The following SLC5A4 variants were observed in gnomAD, a reference collection of about 807,000 sequenced individuals.
SLC5A4 encodes solute carrier family 5 member 4.
SLC5A4 carries 55 observed loss-of-function variants against 70.3 expected under a neutral mutation model. That is an observed-to-expected ratio of 0.78 (90% CI 0.63 to 0.98). SLC5A4 has a LOEUF of 0.98. Among genes scored for constraint, SLC5A4 ranks in the 50% least tolerant of loss-of-function variants. The probability of loss-of-function intolerance (pLI) is 0.00; values close to 1 mark genes in which losing one functional copy is unlikely to be tolerated. For missense variants in SLC5A4, 735 were observed against 839.2 expected, an observed-to-expected ratio of 0.88 and a Z score of 1.53; for synonymous variants, 268 against 305.7, an observed-to-expected ratio of 0.88 and a Z score of 1.29.
At chr22:32,304,266 G>T in the SLC5A4 span, among the ~76,000 whole-genome samples, 2 of 151,764 alleles carry the variant, frequency 1.3e-5, no homozygotes, top group Non-Finnish European at 1.5e-5. Context: ...AGCTGGGACT[G>T]CAGGCATGCG....
chr22:32,285,704 TTTTTTTATTTTTATTTTATTTTA>T, the SLC5A4 span, among the ~76,000 whole-genome samples: 87 of 116,630 alleles, frequency 7.5e-4, 1 homozygote, highest in African/African-American at 2.1e-3. Flanking sequence ...TCTTATTTTC[TTTTTTTATTTTTATTTTATTTTA>T]TTTTTTATTT....
At chr22:32,272,802 G>T in the SLC5A4 span, 2 of 511,190 alleles carry the variant, frequency 3.9e-6, no homozygotes. Flanking sequence ...AGCATATCGC[G>T]TGGTTCGCCA....
At position 32,245,443 on chromosome 22, in the gene SLC5A4, C is replaced by T. The variant is rs537898718; in HGVS notation, c.477+1968G>A. Among the ~76,000 whole-genome samples, 516 of 152,298 alleles carry T rather than the reference C, an allele frequency of 3.4e-3. 6 individuals carry two copies. The highest frequency in any genetic ancestry group is 0.012 in the African/African-American group (505 of 41,572). ...CTCCAGTCTGGGAGGTTGCATCCTT[C>T]GGGGGCCCCTTTTCACTGTGCATTG... On this transcript the variant is annotated intron_variant, in intron 5 of 14. Transcript: ENST00000266086.
the SLC5A4 span, among the ~76,000 whole-genome samples, chr22:32,320,524 A>G: frequency 1.3e-5 from 2 of 152,200 alleles, no homozygotes; most frequent in South Asian, 2.1e-4. Flanking sequence ...TGCAGAGACC[A>G]GGCAGGCTTG....
At chr22:32,300,879 C>A in the SLC5A4 span, among the ~76,000 whole-genome samples, 1 of 152,134 alleles carries the variant, frequency 6.6e-6, no homozygotes, top group Non-Finnish European at 1.5e-5. Context: ...ACATTATTTA[C>A]AGGTTTTTGT....
At chr22:32,220,796 G>A (rs1038191118) in intron 14 of SLC5A4, 124 bp downstream of exon 14, 2 of 718,386 alleles carry the variant, frequency 2.8e-6, no homozygotes, top group Admixed American at 4.3e-5. Context: ...AAAATTTAAA[G>A]TTTCAGTTTG....
chr22:32,242,063 A>T (rs894228216), intron 5 of SLC5A4, among the ~76,000 whole-genome samples: 2 of 152,112 alleles, frequency 1.3e-5, no homozygotes, highest in East Asian at 3.9e-4. Context: ...CCTAGAAAGT[A>T]TATGTATGTG....
At chr22:32,272,317 C>A in the SLC5A4 span, 1 of 823,208 alleles carries the variant, frequency 1.2e-6, no homozygotes, top group African/African-American at 1.7e-5. Context: ...GGGCCCGTGA[C>A]TGCCCTGTGC....
chr22:32,307,680 T>C, the SLC5A4 span, among the ~76,000 whole-genome samples: 3 of 152,192 alleles, frequency 2.0e-5, no homozygotes, highest in African/African-American at 2.4e-5. Flanking sequence ...GTGGGACGTG[T>C]TGGTGCTACA....
At chr22:32,337,436 A>G in the SLC5A4 span, among the ~76,000 whole-genome samples, 1 of 152,190 alleles carries the variant, frequency 6.6e-6, no homozygotes, top group African/African-American at 2.4e-5. Flanking sequence ...CAGGAGGCTA[A>G]TTCAAGAGAA....
chr22:32,330,256 C>T, the SLC5A4 span, among the ~76,000 whole-genome samples: 1 of 73,372 alleles, frequency 1.4e-5, no homozygotes, highest in Non-Finnish European at 2.5e-5. Context: ...TGTTGGGGGG[C>T]TCTGGTGTGT....
the SLC5A4 span, among the ~76,000 whole-genome samples, chr22:32,333,137 G>A: frequency 6.6e-6 from 1 of 151,914 alleles, no homozygotes; most frequent in Non-Finnish European, 1.5e-5. Flanking sequence ...GAGTCTGTGG[G>A]TGTAGGAGTG....
At chr22:32,268,029 CAGG>C in the SLC5A4 span, among the ~76,000 whole-genome samples, 1 of 152,216 alleles carries the variant, frequency 6.6e-6, no homozygotes, top group East Asian at 1.9e-4. Context: ...GAAGCTGAGG[CAGG>C]AGAATGGCGT....
the SLC5A4 span, chr22:32,272,013 G>T: frequency 3.2e-6 from 2 of 626,590 alleles, no homozygotes; most frequent in Non-Finnish European, 5.9e-6. Context: ...CCAGGAGGCG[G>T]CCTTATCTAT....
At chr22:32,281,142 C>T in the SLC5A4 span, among the ~76,000 whole-genome samples, 1 of 152,238 alleles carries the variant, frequency 6.6e-6, no homozygotes, top group Non-Finnish European at 1.5e-5. Context: ...CCCTGCCTCT[C>T]AGGCTCATCC....
In SLC5A4 at chr22:32,233,553, G is replaced by C. The variant is rs970170978; in HGVS notation, c.886-519C>G. Among the ~76,000 whole-genome samples the C allele has an allele frequency of 2.0e-5, 3 of 152,264 alleles. No individual in the cohort carries two copies. The East Asian group carries it at 5.8e-4, about 29-fold the overall frequency. On this transcript the variant is annotated intron_variant, in intron 8 of 14. Transcript: ENST00000266086. ...GAATTCCCAAAGATGATAGCGAAGG[G>C]GTCATTGGATAAGGTTGGGCACCAG... is the stretch of plus-strand genomic sequence containing the variant.
chr22:32,351,542 A>C, the SLC5A4 span, among the ~76,000 whole-genome samples: 3 of 151,282 alleles, frequency 2.0e-5, no homozygotes, highest in Non-Finnish European at 2.9e-5. Context: ...TCTCTACTAA[A>C]AATACAAAAA....
chr22:32,324,659 G>A, the SLC5A4 span, among the ~76,000 whole-genome samples: 1 of 152,202 alleles, frequency 6.6e-6, no homozygotes, highest in East Asian at 1.9e-4. Flanking sequence ...CCATGGCAGA[G>A]ATGTCCACGG....
the SLC5A4 span, among the ~76,000 whole-genome samples, chr22:32,308,151 T>C: frequency 6.6e-6 from 1 of 152,190 alleles, no homozygotes; most frequent in Non-Finnish European, 1.5e-5. Flanking sequence ...CTGCAAGCTC[T>C]GCCTCCTGGG....
Sources: gnomAD v4.1 joint callset for allele counts (sites outside exome capture counted in the v4.1 genomes callset) on GRCh38, gnomAD v4.1.1 for gene constraint, MANE v1.5 for transcripts, NCBI Gene and HGNC (gene_info 2026-07-23, HGNC 2026-07-21) for gene names.